SMYD3: variants seen among roughly 807,000 people sequenced by gnomAD.
SMYD3 encodes the protein histone-lysine N-methyltransferase SMYD3.
In SMYD3, 36 loss-of-function variants were observed where a neutral mutation model predicts 57.7. That is an observed-to-expected ratio of 0.62 (90% CI 0.48 to 0.82). The LOEUF (loss-of-function observed/expected upper bound fraction) is 0.82, where lower values mean the gene tolerates loss of function less well. Ranked by LOEUF, SMYD3 falls within the 40% of genes least tolerant of loss-of-function variation. The pLI is 0.00. For missense variants in SMYD3, 515 were observed against 538.8 expected (o/e 0.96, Z 0.44); for synonymous variants, 211 against 195.0 (o/e 1.08, Z -0.68).
chr1:246,086,120 G>C (rs1055912322), intron 5 of SMYD3, among the ~76,000 whole-genome samples: 2 of 151,702 alleles, frequency 1.3e-5, no homozygotes, highest in Admixed American at 1.3e-4. Context: ...TATTAAGAAT[G>C]CCCTCTTTGG....
At chr1:246,148,242 G>T (rs997216728) in intron 5 of SMYD3, among the ~76,000 whole-genome samples, 1 of 152,138 alleles carries the variant, frequency 6.6e-6, no homozygotes, top group Non-Finnish European at 1.5e-5. Context: ...GCCAGAGCAG[G>T]GCACGTGGAG....
intron 5 of SMYD3, among the ~76,000 whole-genome samples, chr1:246,131,555 T>C (rs2061588156): frequency 6.6e-6 from 1 of 152,204 alleles, no homozygotes; most frequent in Non-Finnish European, 1.5e-5. Flanking sequence ...CCCAAAATGA[T>C]CTGAGATGTA....
intron 5 of SMYD3, among the ~76,000 whole-genome samples, chr1:246,013,731 T>C (rs892009799): frequency 6.6e-6 from 1 of 152,124 alleles, no homozygotes; most frequent in Non-Finnish European, 1.5e-5. Context: ...CAAAAATGTA[T>C]AAAAGTCAAT....
chr1:245,946,005 C>G (rs573603696), intron 5 of SMYD3, among the ~76,000 whole-genome samples: 1 of 152,062 alleles, frequency 6.6e-6, no homozygotes, highest in Non-Finnish European at 1.5e-5. Flanking sequence ...AGCTAATGCA[C>G]GCTGGGATTA....
At chr1:246,405,909 C>CAAAAAAA (rs372884120) in intron 1 of SMYD3, among the ~76,000 whole-genome samples, 1 of 87,428 alleles carries the variant, frequency 1.1e-5, no homozygotes, top group African/African-American at 4.7e-5. Context: ...GACTCTGTCT[C>CAAAAAAA]AAAAAAAAAA....
chr1:246,099,986 C>T (rs1042881807), intron 5 of SMYD3, among the ~76,000 whole-genome samples: 6 of 152,280 alleles, frequency 3.9e-5, no homozygotes, highest in East Asian at 1.9e-4. Flanking sequence ...TATTCATCTT[C>T]GGAATGTGCT....
At chr1:246,123,141 A>C (rs575789110) in intron 5 of SMYD3, among the ~76,000 whole-genome samples, 25 of 152,328 alleles carry the variant, frequency 1.6e-4, no homozygotes, top group African/African-American at 6.0e-4. Flanking sequence ...CAGATATCTG[A>C]CATTTGGAAG....
rs544960951 is a variant in SMYD3, at chr1:246,284,701, C to T, written c.531+42500G>A. On this transcript the variant is annotated intron_variant, in intron 5 of 11. Transcript: ENST00000490107. ...AAAGTGCTGGGATTACAGGCATGAG[C>T]CACCGCGCCCAGCCTCTAATTCTTT... Among the ~76,000 whole-genome samples, 4 of 152,268 alleles carry T rather than the reference C, an allele frequency of 2.6e-5. No individual in the cohort carries two copies. In the East Asian group the frequency reaches 7.7e-4, roughly 29 times the overall value.
chr1:246,316,783 C>T (rs1005034777), intron 5 of SMYD3, among the ~76,000 whole-genome samples: 4 of 150,664 alleles, frequency 2.7e-5, no homozygotes, highest in Admixed American at 2.0e-4. Context: ...ATCACAAGGT[C>T]AAGAGATCAA....
At chr1:246,337,910 C>T (rs2065571014) in intron 2 of SMYD3, among the ~76,000 whole-genome samples, 1 of 152,116 alleles carries the variant, frequency 6.6e-6, no homozygotes, top group Non-Finnish European at 1.5e-5. Flanking sequence ...ATTAAACATC[C>T]AAATTTTGGA....
intron 5 of SMYD3, among the ~76,000 whole-genome samples, chr1:246,236,056 A>T (rs1177072233): frequency 6.6e-6 from 1 of 152,170 alleles, no homozygotes; most frequent in Non-Finnish European, 1.5e-5. Context: ...ATAAAATATT[A>T]TAACTTGAGG....
At chr1:246,483,692 C>T (rs2068143546) in intron 1 of SMYD3, 1 of 151,932 alleles carries the variant, frequency 6.6e-6, no homozygotes, top group Non-Finnish European at 1.5e-5. Context: ...AAGAGAAGAG[C>T]TATGAACAAT....
At chr1:246,385,693 A>G (rs979092610) in intron 1 of SMYD3, among the ~76,000 whole-genome samples, 1 of 152,230 alleles carries the variant, frequency 6.6e-6, no homozygotes, top group Non-Finnish European at 1.5e-5. Flanking sequence ...AATGAAATGG[A>G]CATGGACCAT....
At chr1:246,240,808 T>C (rs2063595650) in intron 5 of SMYD3, among the ~76,000 whole-genome samples, 1 of 152,224 alleles carries the variant, frequency 6.6e-6, no homozygotes, top group Non-Finnish European at 1.5e-5. Context: ...GTCCTTCACA[T>C]TCCTTGTAAG....
intron 5 of SMYD3, among the ~76,000 whole-genome samples, chr1:246,171,181 T>C (rs1183100233): frequency 6.6e-6 from 1 of 152,168 alleles, no homozygotes; most frequent in East Asian, 1.9e-4. Flanking sequence ...CTGTGTACAA[T>C]CAAGAATTGA....
In SMYD3 at chr1:246,002,348, C is replaced by G. The variant is rs1480897713; in HGVS notation, c.532-72411G>C. 4.6e-5 allele frequency among the ~76,000 whole-genome samples: 3 copies of G among 64,560 alleles called. 1 individual carries two copies. Among genetic ancestry groups the G allele is most frequent in the Non-Finnish European group, 1.2e-4 (3 of 25,170 alleles). 42.4% of individuals were successfully genotyped at this position (64,560 alleles called of 152,430 possible). ...TGCAGGCTCCCGCCACCACGCCCGG[C>G]TAATTTTTTGTATTTTTAGTAGAGA... On this transcript the variant is annotated intron_variant, in intron 5 of 11. Coordinates refer to ENST00000490107, the MANE Select transcript of SMYD3 (RefSeq NM_001167740.2).
intron 5 of SMYD3, among the ~76,000 whole-genome samples, chr1:246,263,678 ATTTC>A (rs1256343443): frequency 1.3e-5 from 2 of 152,300 alleles, no homozygotes; most frequent in East Asian, 1.9e-4. Flanking sequence ...AAAATTACTG[ATTTC>A]TTTTTGTACA....
intron 10 of SMYD3, among the ~76,000 whole-genome samples, chr1:245,804,543 G>GCGAGACTC (rs1452333038): frequency 2.0e-5 from 3 of 152,168 alleles, no homozygotes; most frequent in Non-Finnish European, 4.4e-5. Flanking sequence ...GGGTGACAAA[G>GCGAGACTC]CGAGACTCCG....
chr1:246,040,082 A>G (rs2059842125), intron 5 of SMYD3, among the ~76,000 whole-genome samples: 1 of 152,248 alleles, frequency 6.6e-6, no homozygotes, highest in Admixed American at 6.5e-5. Flanking sequence ...GTATTTATTC[A>G]GTCAACCTTA....
Sources: gnomAD v4.1 joint callset for allele counts (sites outside exome capture counted in the v4.1 genomes callset) on GRCh38, gnomAD v4.1.1 for gene constraint, MANE v1.5 for transcripts, NCBI Gene and HGNC (gene_info 2026-07-23, HGNC 2026-07-21) for gene names.